DYRK3: variants seen among roughly 807,000 people sequenced by gnomAD.
The protein encoded by DYRK3 is dual specificity tyrosine-phosphorylation-regulated kinase 3.
In DYRK3, 30 loss-of-function variants were observed where a neutral mutation model predicts 40.8. That is an observed-to-expected ratio of 0.74 (90% CI 0.55 to 1.00). The LOEUF (loss-of-function observed/expected upper bound fraction) is 1.00. DYRK3 is among the 50% of genes least tolerant of loss of function. The pLI, the probability that DYRK3 is intolerant of heterozygous loss-of-function variation, is 0.00. For missense variants in DYRK3, 699 were observed against 731.5 expected (o/e 0.96, Z 0.51); for synonymous variants, 272 against 260.7 (o/e 1.04, Z -0.42).
Position 206,648,988 on chromosome 1 carries a change from T to C in DYRK3, c.*23T>C, listed in dbSNP as rs782047095. The C allele has an allele frequency of 5.8e-6, 9 of 1,562,734 alleles. 1 individual carries two copies. In the South Asian group the frequency reaches 5.8e-5, roughly 10 times the overall value. On this transcript the variant is annotated 3_prime_UTR_variant, in exon 3 of 3. Coordinates refer to ENST00000367109, the MANE Select transcript of DYRK3 (RefSeq NM_003582.4). The stretch of plus-strand genomic sequence containing the variant: ...TAGTGGACAGAGATATGCCCAGAGA[T>C]GCATATGTGTATATTTTTATGATCT...
At chr1:206,638,133 G>GT (rs1165554221) in intron 2 of DYRK3, among the ~76,000 whole-genome samples, 3 of 152,020 alleles carry the variant, frequency 2.0e-5, no homozygotes, top group South Asian at 2.1e-4. Context: ...ATCTGCAGGA[G>GT]TTTTTTTTCC....
chr1:206,635,852 G>T, intron 1 of DYRK3, 72 bp downstream of exon 1: 2 of 1,241,026 alleles, frequency 1.6e-6, no homozygotes, highest in Non-Finnish European at 2.0e-6. Flanking sequence ...GAAGCTTGGG[G>T]GTGGGGAGGA....
At chr1:206,638,598 A>G (rs1325519908) in intron 2 of DYRK3, among the ~76,000 whole-genome samples, 1 of 150,020 alleles carries the variant, frequency 6.7e-6, no homozygotes, top group African/African-American at 2.5e-5. Context: ...TTAACTTAAG[A>G]TAAAATTAAT....
At position 206,648,917 on chromosome 1, in the gene DYRK3, C is replaced by A; in HGVS notation, c.1719C>A (p.Thr573=). ...TTAAAGCTAACTTAATGTCAGAAACCAATGGTAGTATACCCCTATGCAGTG... is the reference window on the plus strand; with the variant it reads ...TTAAAGCTAACTTAATGTCAGAAACAAATGGTAGTATACCCCTATGCAGTG... ...NKLKANLMSE[T]NGSIPLCSVL... Residue 573 remains threonine, a synonymous_variant, in exon 3 of 3, where the codon ACC becomes ACA. Transcript: ENST00000367109. 1 of 1,614,042 alleles carries A rather than the reference C, an allele frequency of 6.2e-7. No individual in the cohort carries two copies. Among genetic ancestry groups the A allele is most frequent in the Non-Finnish European group, 8.5e-7 (1 of 1,180,006 alleles).
At position 206,639,984 on chromosome 1, in the gene DYRK3, G is replaced by A. The variant is rs142166969; in HGVS notation, c.189+2223G>A. Among the ~76,000 whole-genome samples the A allele has an allele frequency of 7.4e-4, 109 of 146,380 alleles. 1 individual carries two copies. In the East Asian group the frequency reaches 0.021, roughly 28 times the overall value. The stretch of plus-strand genomic sequence containing the variant: ...GAGTCTCGCTCTCTCGCCCAGGCTG[G>A]AGTGCAGTGGCACAATCTTGGCTTG... On this transcript the variant is annotated intron_variant, in intron 2 of 2. Transcript: ENST00000367109.
chr1:206,640,311 A>C (rs1263010799), intron 2 of DYRK3, among the ~76,000 whole-genome samples: 1 of 152,146 alleles, frequency 6.6e-6, no homozygotes, highest in Non-Finnish European at 1.5e-5. Context: ...CTTACATTTC[A>C]TTATGCCATG....
intron 2 of DYRK3, among the ~76,000 whole-genome samples, chr1:206,639,754 C>A (rs781870130): frequency 6.6e-6 from 1 of 152,018 alleles, no homozygotes; most frequent in Non-Finnish European, 1.5e-5. Flanking sequence ...GCCACCGCGC[C>A]CAGCCAAGTC....
Position 206,647,820 on chromosome 1 carries a change from C to G in DYRK3, c.622C>G (p.Arg208Gly). The G allele has an allele frequency of 6.2e-7, 1 of 1,613,990 alleles. No individual in the cohort carries two copies. The highest frequency in any genetic ancestry group is 8.5e-7 in the Non-Finnish European group (1 of 1,180,016). ...TGTACCTCGAGACCATCTAGCTTAT[C>G]GATATGAGGTGCTGAAAATTATTGG... is the stretch of plus-strand genomic sequence containing the variant. ...IHVPRDHLAY[R>G]YEVLKIIGKG... Residue 208 changes from arginine (R) to glycine (G), a missense_variant, in exon 3 of 3, where the codon CGA becomes GGA. Transcript: ENST00000367109.
Position 206,654,739 on chromosome 1 carries a change from C to T in DYRK3, c.*5774C>T, listed in dbSNP as rs1012552590. ...AAAGCTCTCTCTGGTCCCTGAGATC[C>T]ACAACCCCTGAGAGAAGCCAGAACT... On this transcript the variant is annotated 3_prime_UTR_variant, in exon 3 of 3. Transcript: ENST00000367109. Among the ~76,000 whole-genome samples, 4 of 152,178 alleles carry T rather than the reference C, an allele frequency of 2.6e-5. No homozygotes were observed. Among genetic ancestry groups the T allele is most frequent in the Admixed American group, 1.3e-4 (2 of 15,274 alleles).
At position 206,637,526 on chromosome 1, in the gene DYRK3, G is replaced by A. The variant is rs980808301; in HGVS notation, c.78-124G>A. On this transcript the variant is annotated intron_variant, in intron 1 of 2. Coordinates refer to ENST00000367109, the MANE Select transcript of DYRK3 (RefSeq NM_003582.4). ...AATACCCCAGTTGTTTGTATTCAGTGCCAAAATGTAGTGTAGACATTTATT... is the reference window on the plus strand; with the variant it reads ...AATACCCCAGTTGTTTGTATTCAGTACCAAAATGTAGTGTAGACATTTATT... 59 of 650,034 alleles carry A rather than the reference G, an allele frequency of 9.1e-5. No homozygotes were observed. In the East Asian group the frequency reaches 1.1e-3, roughly 13 times the overall value. 40.3% of individuals were successfully genotyped at this position (650,034 alleles called of 1,614,324 possible).
In DYRK3 at chr1:206,651,479, T is replaced by A. The variant is rs1308977774; in HGVS notation, c.*2514T>A. Among the ~76,000 whole-genome samples, 1 of 152,216 alleles carries A rather than the reference T, an allele frequency of 6.6e-6. No individual in the cohort carries two copies. The highest frequency in any genetic ancestry group is 1.9e-4 in the East Asian group (1 of 5,200). ...GCCAACTCCAGGAAGTAGTACAGCA[T>A]GATTGAATCCTTCTTCAGTGAATCT... On this transcript the variant is annotated 3_prime_UTR_variant, in exon 3 of 3. Coordinates refer to ENST00000367109, the MANE Select transcript of DYRK3 (RefSeq NM_003582.4).
At chr1:206,636,412 A>G (rs1462491250) in intron 1 of DYRK3, among the ~76,000 whole-genome samples, 3 of 152,122 alleles carry the variant, frequency 2.0e-5, no homozygotes, top group African/African-American at 4.8e-5. Flanking sequence ...TTTTCTTTAT[A>G]TATGTGGACG....
rs1553420369 is a variant in DYRK3, at chr1:206,647,720, T to G, written c.522T>G (p.Asn174Lys). Residue 174 changes from asparagine to lysine, a missense_variant, in exon 3 of 3, where the codon AAT (asparagine) becomes AAG (lysine). Physicochemically the swap from Asn to Lys is moderately conservative, Grantham distance 94 (BLOSUM62 0). Transcript: ENST00000367109. ...NYPEIYFVGP[N>K]AKKRHGVIGG... ...CAGAAATTTACTTTGTAGGTCCAAATGCCAAGAAAAGACATGGAGTTATTG... is the reference window on the plus strand; with the variant it reads ...CAGAAATTTACTTTGTAGGTCCAAAGGCCAAGAAAAGACATGGAGTTATTG... 6.2e-7 allele frequency: 1 copy of G among 1,614,158 alleles called. No homozygotes were observed. Among genetic ancestry groups the G allele is most frequent in the Non-Finnish European group, 8.5e-7 (1 of 1,180,032 alleles).
Position 206,648,039 on chromosome 1 carries a change from C to T in DYRK3, c.841C>T (p.Arg281Trp), listed in dbSNP as rs782572211. The change falls in exon 3 of 3, where the codon CGG becomes TGG. Residue 281 changes from arginine (R) to tryptophan (W), a missense_variant. Coordinates refer to ENST00000367109, the MANE Select transcript of DYRK3 (RefSeq NM_003582.4). The part of the protein sequence containing the change: ...VIHMLESFTF[R>W]NHVCMAFELL... ...CCACATGCTGGAAAGTTTCACATTCCGGAACCATGTTTGCATGGCCTTTGA... is the reference window on the plus strand; with the variant it reads ...CCACATGCTGGAAAGTTTCACATTCTGGAACCATGTTTGCATGGCCTTTGA... 6.2e-6 allele frequency: 10 copies of T among 1,614,070 alleles called. No individual in the cohort carries two copies. Among genetic ancestry groups the T allele is most frequent in the East Asian group, 4.5e-5 (2 of 44,876 alleles).
rs554884678 is a variant in DYRK3, at chr1:206,636,148, G to A, written c.77+368G>A. 57 of 1,092,458 alleles carry A rather than the reference G, an allele frequency of 5.2e-5. 2 individuals carry two copies. In the South Asian group the frequency reaches 6.4e-4, roughly 12 times the overall value. 67.7% of individuals were successfully genotyped at this position (1,092,458 alleles called of 1,614,324 possible). ...GAGCAATACCTTGGAAAGAAGCCCT[G>A]TTGCTTAGAGCGGATAACCAACGGC... On this transcript the variant is annotated intron_variant, in intron 1 of 2. Transcript: ENST00000367109.
At chr1:206,635,947 C>T (rs1671092253) in intron 1 of DYRK3, 167 bp downstream of exon 1, 4 of 1,318,778 alleles carry the variant, frequency 3.0e-6, no homozygotes, top group African/African-American at 1.5e-5. Context: ...TCTATCAGGG[C>T]CCCCTCCCCC....
chr1:206,653,369 A>T lies in DYRK3; in HGVS notation c.*4404A>T, dbSNP rs1671679893. On this transcript the variant is annotated 3_prime_UTR_variant, in exon 3 of 3. Coordinates refer to ENST00000367109, the MANE Select transcript of DYRK3 (RefSeq NM_003582.4). ...TGGCTAATCCACCTAATACCTGCTC[A>T]TCTTCTAGTATTCTATCCTACCATC... Among the ~76,000 whole-genome samples, 1 of 152,142 alleles carries T rather than the reference A, an allele frequency of 6.6e-6. No homozygotes were observed. The highest frequency in any genetic ancestry group is 2.1e-4 in the South Asian group (1 of 4,830).
At chr1:206,635,805 C>G in intron 1 of DYRK3, 25 bp downstream of exon 1, 1 of 1,244,646 alleles carries the variant, frequency 8.0e-7, no homozygotes. Context: ...GGGTAACGGG[C>G]TGGAGGCGCC....
At position 206,647,915 on chromosome 1, in the gene DYRK3, G is replaced by C; in HGVS notation, c.717G>C (p.Met239Ile). The C allele has an allele frequency of 6.2e-7, 1 of 1,614,048 alleles. No homozygotes were observed. The highest frequency in any genetic ancestry group is 8.5e-7 in the Non-Finnish European group (1 of 1,179,998). Residue 239 changes from methionine to isoleucine, a missense_variant, in exon 3 of 3, where the codon ATG becomes ATC. Coordinates refer to ENST00000367109, the MANE Select transcript of DYRK3 (RefSeq NM_003582.4). ...HKLRQYVALK[M>I]VRNEKRFHRQ... ...TTCGACAGTACGTGGCCCTAAAAAT[G>C]GTGCGCAATGAGAAGCGCTTTCATC...
Sources: gnomAD v4.1 joint callset for allele counts (sites outside exome capture counted in the v4.1 genomes callset) on GRCh38, gnomAD v4.1.1 for gene constraint, MANE v1.5 for transcripts, NCBI Gene and HGNC (gene_info 2026-07-23, HGNC 2026-07-21) for gene names.